The following CASP4 variants were observed in gnomAD, a reference collection of about 807,000 sequenced individuals.
CASP4 encodes caspase 4.
In CASP4, 29 loss-of-function variants were observed where a neutral mutation model predicts 41.3. The observed-to-expected ratio is 0.70, with a 90% CI of 0.52 to 0.96. CASP4 has a LOEUF of 0.96. Among genes scored for constraint, CASP4 ranks in the 40% least tolerant of loss-of-function variants. The pLI is 0.00. For synonymous variants in CASP4, 185 were observed against 158.4 expected (o/e 1.17, Z -1.26); for missense variants, 447 against 460.6 (o/e 0.97, Z 0.27).
At chr11:104,955,071 A>G in intron 1 of CASP4, 70 bp from the exon 2 acceptor site, 3 of 1,442,240 alleles carry the variant, frequency 2.1e-6, no homozygotes, top group South Asian at 2.6e-5. Flanking sequence ...CTTTAGATAT[A>G]GTTCTATAAT....
intron 7 of CASP4, 35 bp downstream of exon 7, chr11:104,947,048 A>G (rs754763257): frequency 1.3e-5 from 18 of 1,384,346 alleles, no homozygotes; most frequent in Middle Eastern, 3.6e-4. Context: ...TTCTTCCTGA[A>G]GAAATAAATG....
At chr11:104,958,513 A>G (rs1277854430) in intron 1 of CASP4, among the ~76,000 whole-genome samples, 3 of 152,224 alleles carry the variant, frequency 2.0e-5, no homozygotes, top group Non-Finnish European at 4.4e-5. Context: ...GAATATGTAT[A>G]TGAAAAATGA....
At chr11:104,967,851 C>T (rs1409547567) in intron 1 of CASP4, among the ~76,000 whole-genome samples, 1 of 152,042 alleles carries the variant, frequency 6.6e-6, no homozygotes, top group Non-Finnish European at 1.5e-5. Flanking sequence ...TACTAGCTGC[C>T]TAAGTAACTC....
In CASP4 at chr11:104,956,307, G is replaced by A. The variant is rs545871487; in HGVS notation, c.8-1306C>T. Among the ~76,000 whole-genome samples, 4 of 151,864 alleles carry A rather than the reference G, an allele frequency of 2.6e-5. No individual in the cohort carries two copies. The South Asian group carries it at 8.3e-4, about 32-fold the overall frequency. On this transcript the variant is annotated intron_variant, in intron 1 of 8. Transcript: ENST00000444739. ...ACTTATGTCACATCACATGAATTAGGATTCAAATCTTGTTTTTTTCACCAT... is the reference window on the plus strand; with the variant it reads ...ACTTATGTCACATCACATGAATTAGAATTCAAATCTTGTTTTTTTCACCAT...
intron 1 of CASP4, among the ~76,000 whole-genome samples, chr11:104,959,980 G>T (rs56661625): frequency 0.036 from 5,552 of 152,214 alleles, 344 homozygotes; most frequent in African/African-American, 0.13. Context: ...AACGAAGAGT[G>T]TTCCAATATC....
chr11:104,966,460 A>G (rs1350430009), intron 1 of CASP4, among the ~76,000 whole-genome samples: 3 of 152,230 alleles, frequency 2.0e-5, no homozygotes, highest in African/African-American at 7.2e-5. Flanking sequence ...GAAAAATATT[A>G]TAAGAATGTA....
At chr11:104,955,926 G>T (rs1405552024) in intron 1 of CASP4, among the ~76,000 whole-genome samples, 5 of 152,186 alleles carry the variant, frequency 3.3e-5, no homozygotes, top group Admixed American at 3.3e-4. Flanking sequence ...ATCATGTCAG[G>T]ACATTGCACA....
At chr11:104,961,427 T>A (rs1431696172) in intron 1 of CASP4, among the ~76,000 whole-genome samples, 2 of 151,734 alleles carry the variant, frequency 1.3e-5, no homozygotes, top group Non-Finnish European at 2.9e-5. Flanking sequence ...GATTGGTGAA[T>A]CTACTAGGCA....
chr11:104,949,532 T>C lies in CASP4; in HGVS notation c.781+11A>G, dbSNP rs1410689826. 1 of 1,613,272 alleles carries C rather than the reference T, an allele frequency of 6.2e-7. No individual in the cohort carries two copies. The highest frequency in any genetic ancestry group is 1.1e-5 in the South Asian group (1 of 91,080). ...CTTCATAACTGTTAGATGTTCAGTCTCAGCACTCACCACCTCTGCAGGCCT... is the reference window on the plus strand; with the variant it reads ...CTTCATAACTGTTAGATGTTCAGTCCCAGCACTCACCACCTCTGCAGGCCT... On this transcript the variant is annotated intron_variant, in intron 5 of 8. Coordinates refer to ENST00000444739, the MANE Select transcript of CASP4 (RefSeq NM_001225.4).
intron 1 of CASP4, among the ~76,000 whole-genome samples, chr11:104,966,140 C>T (rs56159831): frequency 0.02 from 3,038 of 152,316 alleles, 56 homozygotes; most frequent in Non-Finnish European, 0.032. Flanking sequence ...ATTACTCTTA[C>T]GCCATTGCAA....
chr11:104,954,623 G>T (rs1363493984), intron 2 of CASP4, 124 bp downstream of exon 2: 6 of 928,704 alleles, frequency 6.5e-6, no homozygotes, highest in African/African-American at 3.3e-5. Flanking sequence ...ACAAAGATAG[G>T]TTTAGTGAAA....
At chr11:104,964,504 G>A (rs1043319371) in intron 1 of CASP4, among the ~76,000 whole-genome samples, 1 of 152,192 alleles carries the variant, frequency 6.6e-6, no homozygotes, top group African/African-American at 2.4e-5. Flanking sequence ...TGGCAGCATG[G>A]TTAATTCCAT....
intron 1 of CASP4, among the ~76,000 whole-genome samples, chr11:104,964,522 A>G (rs1860931372): frequency 1.3e-5 from 2 of 152,342 alleles, no homozygotes; most frequent in South Asian, 4.1e-4. Context: ...CATAAGCACA[A>G]TAAAAATCTG....
intron 6 of CASP4, 23 bp downstream of exon 6, chr11:104,948,510 T>TA (rs1164694062): frequency 6.4e-7 from 1 of 1,564,054 alleles, no homozygotes; most frequent in East Asian, 2.3e-5. Flanking sequence ...ACAAATCCCT[T>TA]ACTGCCACTG....
chr11:104,961,738 T>C (rs981906783), intron 1 of CASP4, among the ~76,000 whole-genome samples: 2 of 152,292 alleles, frequency 1.3e-5, no homozygotes, highest in Admixed American at 6.5e-5. Flanking sequence ...GAAGGCCTTC[T>C]GTCTGTCTCA....
At chr11:104,961,570 C>T (rs1018104854) in intron 1 of CASP4, among the ~76,000 whole-genome samples, 8 of 152,190 alleles carry the variant, frequency 5.3e-5, no homozygotes, top group East Asian at 1.9e-4. Flanking sequence ...ATCTGTTCGG[C>T]TCCACTGGGG....
At chr11:104,944,105 A>G (rs1860390859) in intron 8 of CASP4, 1 of 152,184 alleles carries the variant, frequency 6.6e-6, no homozygotes, top group Non-Finnish European at 1.5e-5. Flanking sequence ...TCAAAAGCCA[A>G]CCCTGAGTGA....
chr11:104,949,897 G>A, intron 4 of CASP4, 120 bp from the exon 5 acceptor site: 1 of 887,400 alleles, frequency 1.1e-6, no homozygotes, highest in Non-Finnish European at 1.8e-6. Context: ...GCTTCACTTA[G>A]TGCTTACTCA....
At chr11:104,963,188 T>C (rs1372824875) in intron 1 of CASP4, among the ~76,000 whole-genome samples, 1 of 152,250 alleles carries the variant, frequency 6.6e-6, no homozygotes, top group Non-Finnish European at 1.5e-5. Flanking sequence ...TATGTTTTTC[T>C]CTTCTTGGAT....
Sources: gnomAD v4.1 joint callset for allele counts (sites outside exome capture counted in the v4.1 genomes callset) on GRCh38, gnomAD v4.1.1 for gene constraint, MANE v1.5 for transcripts, NCBI Gene and HGNC (gene_info 2026-07-23, HGNC 2026-07-21) for gene names.